The following ENTREP2 variants were observed in gnomAD, a reference collection of about 807,000 sequenced individuals.
The protein encoded by ENTREP2 is endosomal transmembrane epsin interactor 2, also known as protein ENTREP2.
the ENTREP2 span, among the ~76,000 whole-genome samples, chr15:29,394,882 CTT>C: frequency 0.045 from 4,302 of 94,882 alleles, 41 homozygotes; most frequent in African/African-American, 0.083. Context: ...GTCAGAATCT[CTT>C]TTTTTTTTTT....
chr15:29,379,776 G>C, the ENTREP2 span, among the ~76,000 whole-genome samples: 1 of 152,196 alleles, frequency 6.6e-6, no homozygotes, highest in Non-Finnish European at 1.5e-5. Context: ...CTGAGGCCAG[G>C]GCTGGGGGTG....
the ENTREP2 span, among the ~76,000 whole-genome samples, chr15:29,377,241 A>T: frequency 4.6e-5 from 7 of 152,256 alleles, no homozygotes; most frequent in African/African-American, 1.7e-4. Flanking sequence ...TTTGCTTTCT[A>T]GGTCTTCCTT....
At chr15:29,472,677 C>T in the ENTREP2 span, among the ~76,000 whole-genome samples, 1 of 152,128 alleles carries the variant, frequency 6.6e-6, no homozygotes, top group Non-Finnish European at 1.5e-5. Flanking sequence ...GTTGGCCAGG[C>T]TGGTCTCTAA....
the ENTREP2 span, among the ~76,000 whole-genome samples, chr15:29,256,776 A>G: frequency 3.9e-5 from 6 of 152,214 alleles, no homozygotes; most frequent in African/African-American, 4.8e-5. Flanking sequence ...GAAGTTTCAC[A>G]TAAGTCTGGC....
At chr15:29,352,154 C>CT in the ENTREP2 span, among the ~76,000 whole-genome samples, 1 of 152,102 alleles carries the variant, frequency 6.6e-6, no homozygotes, top group African/African-American at 2.4e-5. Flanking sequence ...GGGCTGGACT[C>CT]TAACTCCTGG....
At chr15:29,633,158 C>T in the ENTREP2 span, among the ~76,000 whole-genome samples, 25 of 152,142 alleles carry the variant, frequency 1.6e-4, 1 homozygote, top group Admixed American at 4.6e-4. Flanking sequence ...CTTCAGTGTG[C>T]CCCAGGATTC....
chr15:29,213,142 T>A, the ENTREP2 span, among the ~76,000 whole-genome samples: 7 of 152,236 alleles, frequency 4.6e-5, no homozygotes. Flanking sequence ...TCTGTTCCGT[T>A]GGTCTACATC....
chr15:29,590,357 G>A, the ENTREP2 span, among the ~76,000 whole-genome samples: 2 of 152,020 alleles, frequency 1.3e-5, no homozygotes, highest in African/African-American at 4.8e-5. Context: ...AAGAGTTCAC[G>A]TCACAGGTTC....
the ENTREP2 span, among the ~76,000 whole-genome samples, chr15:29,489,695 A>G: frequency 9.5e-4 from 144 of 152,342 alleles, 1 homozygote; most frequent in African/African-American, 3.1e-3. Context: ...GTACCCGTCC[A>G]TCAGAGCCTG....
the ENTREP2 span, among the ~76,000 whole-genome samples, chr15:29,536,528 C>T: frequency 6.6e-6 from 1 of 150,614 alleles, no homozygotes; most frequent in South Asian, 2.1e-4. Context: ...CGCTTGAACC[C>T]GGGAGGCAGA....
At chr15:29,140,314 G>A in the ENTREP2 span, among the ~76,000 whole-genome samples, 6 of 152,292 alleles carry the variant, frequency 3.9e-5, no homozygotes, top group Non-Finnish European at 7.4e-5. Flanking sequence ...GAGACGGGCA[G>A]ACGCCTCCTT....
the ENTREP2 span, among the ~76,000 whole-genome samples, chr15:29,523,561 A>ATTTTTTTTT: frequency 1.5e-4 from 12 of 78,508 alleles, no homozygotes; most frequent in African/African-American, 5.2e-4. Flanking sequence ...TCCCAGCTAG[A>ATTTTTTTTT]TTTTTTTTTT....
the ENTREP2 span, among the ~76,000 whole-genome samples, chr15:29,623,156 G>C: frequency 0.069 from 10,433 of 152,174 alleles, 438 homozygotes; most frequent in African/African-American, 0.11. Flanking sequence ...AAAAAGAGTG[G>C]ATCAATGTTT....
At chr15:29,426,030 TTACA>T in the ENTREP2 span, among the ~76,000 whole-genome samples, 1 of 150,350 alleles carries the variant, frequency 6.7e-6, no homozygotes, top group Non-Finnish European at 1.5e-5. Context: ...TATATAATTA[TTACA>T]TAAAGATAAT....
chr15:29,368,018 A>G, the ENTREP2 span, among the ~76,000 whole-genome samples: 2 of 150,462 alleles, frequency 1.3e-5, no homozygotes, highest in African/African-American at 2.5e-5. Flanking sequence ...AAAAAAAAAA[A>G]GCAATCAATG....
At chr15:29,606,050 C>T in the ENTREP2 span, among the ~76,000 whole-genome samples, 2 of 151,980 alleles carry the variant, frequency 1.3e-5, no homozygotes, top group Non-Finnish European at 2.9e-5. Flanking sequence ...ATAGCTTTAT[C>T]ACCCAAATTT....
the ENTREP2 span, among the ~76,000 whole-genome samples, chr15:29,163,006 G>T: frequency 1.3e-5 from 2 of 152,142 alleles, no homozygotes; most frequent in East Asian, 3.9e-4. Flanking sequence ...ACAACCCTCA[G>T]AACCAGCCCG....
the ENTREP2 span, chr15:29,269,258 T>C: frequency 1.2e-6 from 2 of 1,614,164 alleles, no homozygotes; most frequent in Non-Finnish European, 1.7e-6. Context: ...ATGTAAGTGT[T>C]GCTCTTGGGT....
chr15:29,443,484 G>C, the ENTREP2 span, among the ~76,000 whole-genome samples: 1 of 152,112 alleles, frequency 6.6e-6, no homozygotes, highest in South Asian at 2.1e-4. Context: ...AGCCCACCAG[G>C]AAACCATGAC....
Sources: allele counts gnomAD v4.1 joint callset (sites outside exome capture counted in the v4.1 genomes callset), GRCh38; gene constraint gnomAD v4.1.1; transcripts MANE v1.5; gene names NCBI Gene and HGNC (gene_info 2026-07-23, HGNC 2026-07-21).